Variants in GPR153 observed in about 807,000 individuals in gnomAD.
GPR153 encodes probable G protein-coupled receptor 153.
In GPR153, 27 loss-of-function variants were observed where a neutral mutation model predicts 34.1. The ratio of observed to expected loss-of-function variants is 0.79; its 90% CI spans 0.58 to 1.09. The LOEUF is 1.09. GPR153 is among the 50% of genes least tolerant of loss of function. The pLI, the probability that GPR153 is intolerant of heterozygous loss-of-function variation, is 0.00. For synonymous variants in GPR153, 408 were observed against 405.4 expected, an observed-to-expected ratio of 1.01 and a Z score of -0.08; for missense variants, 848 against 860.2, an observed-to-expected ratio of 0.99 and a Z score of 0.18.
At chr1:6,253,459 T>C (rs6696350) in intron 3 of GPR153, among the ~76,000 whole-genome samples, 107,311 of 152,112 alleles carry the variant, frequency 0.71, 38,010 homozygotes, top group Admixed American at 0.76. Context: ...GCAAGGGGAG[T>C]AAACTCTTCT....
intron 3 of GPR153, 136 bp downstream of exon 3, chr1:6,253,582 A>T (rs1484746907): frequency 9.4e-6 from 8 of 848,540 alleles, no homozygotes; most frequent in Non-Finnish European, 1.2e-5. Flanking sequence ...TCGGTTTCCA[A>T]ATCTGGAAAA....
chr1:6,250,635 G>A lies in GPR153; in HGVS notation c.980-11C>T. 4.6e-6 allele frequency: 1 copy of A among 215,406 alleles called. No homozygotes were observed. Among genetic ancestry groups the A allele is most frequent in the South Asian group, 5.1e-5 (1 of 19,756 alleles). The allele number at this position is 215,406 out of a possible 1,614,324, so 13.3% of individuals were successfully genotyped here. On this transcript the variant is annotated splice_polypyrimidine_tract_variant and intron_variant, in intron 4 of 5. Coordinates refer to ENST00000377893, the MANE Select transcript of GPR153 (RefSeq NM_207370.4). ...CTTCCAGGCTGGTCTCTGTAGGGTG[G>A]GGGGTGGGTGGGGGGGCAGAGCCTT...
chr1:6,253,258 G>C (rs893549673), intron 3 of GPR153, among the ~76,000 whole-genome samples: 1 of 152,160 alleles, frequency 6.6e-6, no homozygotes, highest in Non-Finnish European at 1.5e-5. Context: ...TTAGCCAGGC[G>C]TGGCAGCGGG....
chr1:6,253,119 C>T (rs548872293), intron 3 of GPR153, among the ~76,000 whole-genome samples: 1 of 152,276 alleles, frequency 6.6e-6, no homozygotes, highest in Non-Finnish European at 1.5e-5. Flanking sequence ...AGGCCAGATG[C>T]AGTGGTTCAC....
chr1:6,257,996 T>C lies in GPR153; in HGVS notation c.-110+2829A>G, dbSNP rs75473206. Among the ~76,000 whole-genome samples the C allele has an allele frequency of 4.5e-4, 68 of 152,322 alleles. No homozygotes were observed. The East Asian group carries it at 0.012, about 26-fold the overall frequency. On this transcript the variant is annotated intron_variant, in intron 1 of 5. Coordinates refer to ENST00000377893, the MANE Select transcript of GPR153 (RefSeq NM_207370.4). ...CCTTATGGGCATCTATAGTACCAGA[T>C]ACGCCCCATGTCCCCCAGAGAGGAA...
intron 1 of GPR153, among the ~76,000 whole-genome samples, chr1:6,257,916 C>T (rs1431298194): frequency 6.6e-6 from 1 of 152,246 alleles, no homozygotes; most frequent in Non-Finnish European, 1.5e-5. Flanking sequence ...ACTTAACTGG[C>T]CCTTCTTACC....
Position 6,249,213 on chromosome 1 carries a change from A to T in GPR153, c.*125T>A. 1 of 684,416 alleles carries T rather than the reference A, an allele frequency of 1.5e-6. No individual in the cohort carries two copies. Among genetic ancestry groups the T allele is most frequent in the East Asian group, 3.5e-5 (1 of 28,222 alleles). 42.4% of individuals were successfully genotyped at this position (684,416 alleles called of 1,614,324 possible). On this transcript the variant is annotated 3_prime_UTR_variant, in exon 6 of 6. Transcript: ENST00000377893. The surrounding 1 kb of genome is among the most constrained non-coding windows in gnomAD (Gnocchi z 4.3). ...AGCCGGAAGACAAACGCTGAGGCCA[A>T]CGCCCCCTCACCCCTGGGAGGGGTG... is the stretch of plus-strand genomic sequence containing the variant.
Position 6,251,680 on chromosome 1 carries a change from C to T in GPR153, c.787-150G>A, listed in dbSNP as rs987431961. 7.5e-6 allele frequency: 7 copies of T among 931,388 alleles called. No individual in the cohort carries two copies. The East Asian group carries it at 8.2e-5, about 11-fold the overall frequency. 57.7% of individuals were successfully genotyped at this position (931,388 alleles called of 1,614,324 possible). A position where few individuals can be genotyped will look rare whatever the true frequency, so the allele number is the denominator to read the frequency against. On this transcript the variant is annotated intron_variant, in intron 3 of 5. Coordinates refer to ENST00000377893, the MANE Select transcript of GPR153 (RefSeq NM_207370.4). This position sits in a 1 kb window ranked among gnomAD's most constrained non-coding sequence, Gnocchi z 4.9. The stretch of plus-strand genomic sequence containing the variant: ...GCCCTTGGGGAGAAAAGAGCTGGAG[C>T]GTGGCAGTGGGAGGCCCCGCCTTCC...
At position 6,254,078 on chromosome 1, in the gene GPR153, C is replaced by T. The variant is rs144327337; in HGVS notation, c.426G>A (p.Ser142=). 8.3e-4 allele frequency: 1,343 copies of T among 1,613,568 alleles called. 7 individuals are homozygous for T. The African/African-American group carries it at 0.013, about 16-fold the overall frequency. The change falls in exon 3 of 6, where the codon TCG becomes TCA. Residue 142 remains serine, a synonymous_variant. Transcript: ENST00000377893. ...CGTGCCAGCCAACGGCAGGCAGGGCCGACAGGATGAAGGACACCATCCAGA... is the reference window on the plus strand; with the variant it reads ...CGTGCCAGCCAACGGCAGGCAGGGCTGACAGGATGAAGGACACCATCCAGA... ...MGIWMVSFIL[S]ALPAVGWHDT...
In GPR153 at chr1:6,253,776, G is replaced by T; in HGVS notation, c.728C>A (p.Thr243Lys). 1.9e-6 allele frequency: 3 copies of T among 1,550,448 alleles called. No homozygotes were observed. The highest frequency in any genetic ancestry group is 2.6e-6 in the Non-Finnish European group (3 of 1,146,080). The stretch of plus-strand genomic sequence containing the variant: ...GAAGACTATGGTGGTCACGAGGCCC[G>T]TGGTCTGCAGAGAGGTTTTGGCGGG... ...SEPAKTSLQT[T>K]GLVTTIVFIY... is the part of the protein sequence containing the mutation. Residue 243 changes from threonine to lysine, a missense_variant, in exon 3 of 6, where the codon ACG (threonine) becomes AAG (lysine). By Grantham distance (78) the Thr-to-Lys change is moderately conservative. Coordinates refer to ENST00000377893, the MANE Select transcript of GPR153 (RefSeq NM_207370.4).
At chr1:6,254,182 C>G in intron 2 of GPR153, 35 bp from the exon 3 acceptor site, 1 of 1,573,912 alleles carries the variant, frequency 6.4e-7, no homozygotes, top group South Asian at 1.2e-5. Context: ...AGGGATCTGG[C>G]GTCACCCACA....
intron 1 of GPR153, among the ~76,000 whole-genome samples, chr1:6,260,227 G>A (rs1638640254): frequency 6.6e-6 from 1 of 151,220 alleles, no homozygotes; most frequent in Non-Finnish European, 1.5e-5. Context: ...CCGCCCCCAC[G>A]CCGGTCTCCG....
chr1:6,258,501 A>G (rs1049845065), intron 1 of GPR153, among the ~76,000 whole-genome samples: 10 of 152,166 alleles, frequency 6.6e-5, no homozygotes, highest in African/African-American at 2.2e-4. Context: ...GGGCAGATAC[A>G]TATTCACTGG....
At chr1:6,258,615 G>GT (rs748986543) in intron 1 of GPR153, among the ~76,000 whole-genome samples, 1 of 152,236 alleles carries the variant, frequency 6.6e-6, no homozygotes, top group Non-Finnish European at 1.5e-5. Flanking sequence ...AGCAGACAGA[G>GT]TGTGAGTAAG....
Position 6,254,018 on chromosome 1 carries a change from G to A in GPR153, c.486C>T (p.Arg162=), listed in dbSNP as rs780636189. The change falls in exon 3 of 6, where the codon CGC becomes CGT. Residue 162 remains arginine, a synonymous_variant. Coordinates refer to ENST00000377893, the MANE Select transcript of GPR153 (RefSeq NM_207370.4). ...TSERFYTHGC[R]FIVAEIGLGF... ...CCAGGCCGATCTCAGCCACGATGAA[G>A]CGGCAGCCATGGGTGTAGAAGCGCT... The A allele has an allele frequency of 2.5e-6, 4 of 1,613,482 alleles. No individual in the cohort carries two copies. Among genetic ancestry groups the A allele is most frequent in the East Asian group, 4.5e-5 (2 of 44,890 alleles).
At position 6,255,063 on chromosome 1, in the gene GPR153, G is replaced by A. The variant is rs1177858413; in HGVS notation, c.-109-49C>T. The A allele has an allele frequency of 1.1e-5, 6 of 555,508 alleles. No homozygotes were observed. The Admixed American group carries it at 2.1e-4, about 19-fold the overall frequency. The allele number at this position is 555,508 out of a possible 1,614,324, so 34.4% of individuals were successfully genotyped here. ...CTCAGTGACTTCCTCTCTGGCGACAGCGTTGTAGCCCTTAGGTACTTGGGA... is the reference window on the plus strand; with the variant it reads ...CTCAGTGACTTCCTCTCTGGCGACAACGTTGTAGCCCTTAGGTACTTGGGA... On this transcript the variant is annotated intron_variant, in intron 1 of 5. Transcript: ENST00000377893.
At position 6,249,272 on chromosome 1, in the gene GPR153, C is replaced by T; in HGVS notation, c.*66G>A. On this transcript the variant is annotated 3_prime_UTR_variant, in exon 6 of 6. Coordinates refer to ENST00000377893, the MANE Select transcript of GPR153 (RefSeq NM_207370.4). This position sits in a 1 kb window ranked among gnomAD's most constrained non-coding sequence, Gnocchi z 4.3. ...CTGCGCGCGGGGCGGAGGCGGGCGT[C>T]TTTGGTGCTGCGGCCCCGGAGAGCG... The T allele has an allele frequency of 1.7e-6, 2 of 1,157,422 alleles. No individual in the cohort carries two copies. Among genetic ancestry groups the T allele is most frequent in the Admixed American group, 4.3e-5 (1 of 23,264 alleles). 71.7% of individuals were successfully genotyped at this position (1,157,422 alleles called of 1,614,324 possible).
chr1:6,249,241 G>C lies in GPR153; in HGVS notation c.*97C>G. The C allele has an allele frequency of 1.1e-6, 1 of 909,586 alleles. No individual in the cohort carries two copies. The highest frequency in any genetic ancestry group is 4.8e-5 in the South Asian group (1 of 20,822). The allele number at this position is 909,586 out of a possible 1,614,324, so 56.3% of individuals were successfully genotyped here. A position where few individuals can be genotyped will look rare whatever the true frequency, so the allele number is the denominator to read the frequency against. On this transcript the variant is annotated 3_prime_UTR_variant, in exon 6 of 6. Transcript: ENST00000377893. The surrounding 1 kb of genome is among the most constrained non-coding windows in gnomAD (Gnocchi z 4.3). ...CCCCCTCACCCCTGGGAGGGGTGGC[G>C]CATGTCTGCGCGCGGGGCGGAGGCG...
In GPR153 at chr1:6,250,009, A is replaced by G; in HGVS notation, c.1165-6T>C. On this transcript the variant is annotated splice_region_variant and splice_polypyrimidine_tract_variant and intron_variant, in intron 5 of 5. Coordinates refer to ENST00000377893, the MANE Select transcript of GPR153 (RefSeq NM_207370.4). ...AAGCGCCGCGTGGGCGGGACCTGTC[A>G]GGACGCGGCTGGCTTTTACCCCGAG... 8.0e-7 allele frequency: 1 copy of G among 1,257,564 alleles called. No homozygotes were observed. The highest frequency in any genetic ancestry group is 3.6e-5 in the South Asian group (1 of 27,472). 77.9% of individuals were successfully genotyped at this position (1,257,564 alleles called of 1,614,324 possible).
Sources: allele counts gnomAD v4.1 joint callset (sites outside exome capture counted in the v4.1 genomes callset), GRCh38; gene constraint gnomAD v4.1.1; non-coding constraint Gnocchi (gnomAD v3.1); transcripts MANE v1.5; gene names NCBI Gene and HGNC (gene_info 2026-07-23, HGNC 2026-07-21).